Variants in KAT5 observed in about 807,000 individuals in gnomAD.
KAT5 encodes histone acetyltransferase KAT5.
In KAT5, 31 loss-of-function variants were observed where a neutral mutation model predicts 68.1. The observed-to-expected ratio is 0.46, with a 90% confidence interval of 0.34 to 0.61. The LOEUF is 0.61. Among genes scored for constraint, KAT5 ranks in the 20% least tolerant of loss-of-function variants. KAT5 has a pLI of 0.01. For missense variants in KAT5, 451 were observed against 725.5 expected (o/e 0.62, Z 4.35); for synonymous variants, 365 against 292.6 (o/e 1.25, Z -2.52).
chr11:65,712,405 A>G lies in KAT5; in HGVS notation c.138A>G (p.Leu46=). 3 of 1,587,200 alleles carry G rather than the reference A, an allele frequency of 1.9e-6. No homozygotes were observed. The highest frequency in any genetic ancestry group is 2.6e-6 in the Non-Finnish European group (3 of 1,172,556). ...PQGEIIEGCR[L]PVLRRNQDNE... The stretch of plus-strand genomic sequence containing the variant: ...GGGAGATAATCGAGGGCTGCCGCCT[A>G]CCCGTGCTGCGGCGGAACCAGGACA... The change falls in exon 1 of 13, where the codon CTA becomes CTG. Residue 46 remains leucine (L), a synonymous_variant. Transcript: ENST00000341318.
At chr11:65,717,167 G>A in intron 10 of KAT5, 185 bp downstream of exon 10, 1 of 610,394 alleles carries the variant, frequency 1.6e-6, no homozygotes, top group Non-Finnish European at 2.9e-6. Flanking sequence ...TGCTTATCTG[G>A]GGTAGGTTCT....
chr11:65,712,503 T>C lies in KAT5; in HGVS notation c.178+58T>C, dbSNP rs764558397. On this transcript the variant is annotated intron_variant, in intron 1 of 12. Coordinates refer to ENST00000341318, the MANE Select transcript of KAT5 (RefSeq NM_182710.3). ...CTGAGGGCGAGGGGCGGGAGTCAAC[T>C]GAAATCCCGGGATGGGGAGGGGCGT... 20 of 1,542,304 alleles carry C rather than the reference T, an allele frequency of 1.3e-5. 1 individual carries two copies. In the South Asian group the frequency reaches 1.9e-4, roughly 15 times the overall value.
intron 10 of KAT5, chr11:65,717,241 T>G (rs909437107): frequency 3.5e-6 from 2 of 566,712 alleles, no homozygotes; most frequent in East Asian, 3.0e-5. Flanking sequence ...CAAATCTGAC[T>G]TACGTGCTCC....
At chr11:65,712,704 G>T in intron 1 of KAT5, 62 bp from the exon 2 acceptor site, 3 of 1,578,394 alleles carry the variant, frequency 1.9e-6, no homozygotes, top group Non-Finnish European at 2.6e-6. Flanking sequence ...AGTTCAGGTC[G>T]TGGAAGGGTG....
At chr11:65,712,131 G>A (rs1208920847), upstream of KAT5, 4 of 814,696 alleles carry the variant, frequency 4.9e-6, no homozygotes, top group Non-Finnish European at 7.1e-6. Context: ...GGGCAGTCTT[G>A]CCCCTCGCAG....
rs1857092066 is a variant in KAT5, at chr11:65,713,431, G to A, written c.468G>A (p.Glu156=). The A allele has an allele frequency of 1.2e-6, 2 of 1,614,024 alleles. No individual in the cohort carries two copies. Among genetic ancestry groups the A allele is most frequent in the Non-Finnish European group, 1.7e-6 (2 of 1,180,028 alleles). The change falls in exon 4 of 13, where the codon GAG becomes GAA. Residue 156 remains glutamate (E), a synonymous_variant. Transcript: ENST00000341318. ...TLRFNLPKER[E]AIPGGEPDQP... is the part of the protein sequence containing the mutation. The stretch of plus-strand genomic sequence containing the variant: ...GCTTCAACCTGCCCAAGGAGCGGGA[G>A]GCCATTCCCGGTGGCGAGCCTGACC...
In KAT5 at chr11:65,713,585, C is replaced by G. The variant is rs934272798; in HGVS notation, c.541-8C>G. On this transcript the variant is annotated splice_polypyrimidine_tract_variant and splice_region_variant and intron_variant, in intron 4 of 12. Coordinates refer to ENST00000341318, the MANE Select transcript of KAT5 (RefSeq NM_182710.3). ...TTCTGACCCACCTTTGTTGGTTTCT[C>G]TCTGCAGAAACGGAAGGTGGAGGTG... is the stretch of plus-strand genomic sequence containing the variant. The G allele has an allele frequency of 1.2e-6, 2 of 1,614,222 alleles. No individual in the cohort carries two copies. Among genetic ancestry groups the G allele is most frequent in the South Asian group, 2.2e-5 (2 of 91,084 alleles).
intron 10 of KAT5, chr11:65,718,345 T>C (rs557463955): frequency 4.2e-6 from 2 of 473,172 alleles, no homozygotes; most frequent in Admixed American, 3.5e-5. Flanking sequence ...CTGATCACCC[T>C]CATGGTTGAC....
At position 65,719,491 on chromosome 11, in the gene KAT5, T is replaced by A. The variant is rs1303321353; in HGVS notation, c.*310T>A. 3 of 608,712 alleles carry A rather than the reference T, an allele frequency of 4.9e-6. No individual in the cohort carries two copies. The South Asian group carries it at 6.0e-5, about 12-fold the overall frequency. 37.7% of individuals were successfully genotyped at this position (608,712 alleles called of 1,614,324 possible). ...GAGCTCTGTACAGAGGGCTGGTGAT[T>A]GTAAAAATTTCTTTTGTAAAGTAGA... On this transcript the variant is annotated 3_prime_UTR_variant, in exon 13 of 13. Coordinates refer to ENST00000341318, the MANE Select transcript of KAT5 (RefSeq NM_182710.3).
chr11:65,712,227 G>C (rs1217489828), upstream of KAT5: 5 of 1,393,606 alleles, frequency 3.6e-6, no homozygotes, highest in East Asian at 5.8e-5. Context: ...CGGAAGTGAC[G>C]TCTCCCAGAG....
Position 65,713,388 on chromosome 11 carries a change from C to A in KAT5, c.425C>A (p.Pro142Gln). 6.2e-7 allele frequency: 1 copy of A among 1,614,086 alleles called. No homozygotes were observed. The highest frequency in any genetic ancestry group is 8.5e-7 in the Non-Finnish European group (1 of 1,180,010). Residue 142 changes from proline (P) to glutamine (Q), a missense_variant, in exon 4 of 13, where the codon CCG becomes CAG. Pro to Gln is a moderately conservative substitution (Grantham distance 76). This residue lies in a region of KAT5 where 135 missense variants were observed against 173.4 expected (regional missense o/e 0.78). Transcript: ENST00000341318. The stretch of plus-strand genomic sequence containing the variant: ...GCCAGCGGGAAGACCTTGCCAATCC[C>A]GGTCCAGATCACACTCCGCTTCAAC... ...AQASGKTLPI[P>Q]VQITLRFNLP... is the part of the protein sequence containing the mutation.
intron 12 of KAT5, 26 bp from the exon 13 acceptor site, chr11:65,719,021 C>A: frequency 6.2e-7 from 1 of 1,614,034 alleles, no homozygotes; most frequent in Non-Finnish European, 8.5e-7. Context: ...GGCTGACCAC[C>A]TGCTGAACCC....
At chr11:65,716,176 G>A (rs1174779654) in intron 8 of KAT5, 1 of 159,930 alleles carries the variant, frequency 6.3e-6, no homozygotes, top group Non-Finnish European at 1.4e-5. Flanking sequence ...TAGAGTAGCA[G>A]ATCAGTTCCC....
chr11:65,718,208 C>G (rs1857269301), intron 10 of KAT5: 1 of 179,450 alleles, frequency 5.6e-6, no homozygotes, highest in Admixed American at 5.4e-5. Flanking sequence ...GGATTAGAGA[C>G]AGGAATCTGT....
intron 1 of KAT5, 124 bp from the exon 2 acceptor site, chr11:65,712,642 A>C (rs533327527): frequency 7.8e-6 from 10 of 1,278,522 alleles, no homozygotes; most frequent in Middle Eastern, 1.9e-4. Flanking sequence ...TGACTGAAGG[A>C]GGCTTAGGAG....
At chr11:65,716,536 G>T in intron 8 of KAT5, 131 bp from the exon 9 acceptor site, 1 of 866,024 alleles carries the variant, frequency 1.2e-6, no homozygotes, top group Non-Finnish European at 1.8e-6. Context: ...GTCAGGCCCA[G>T]CCAGGGAAGA....
chr11:65,712,179 G>C (rs907716747), upstream of KAT5: 13 of 1,307,216 alleles, frequency 9.9e-6, no homozygotes, highest in Admixed American at 3.7e-5. Flanking sequence ...CCCTCTACAG[G>C]GGCTTCGTGA....
Position 65,718,960 on chromosome 11 carries a change from G to GAGGC in KAT5, c.1506+14_1506+17dup. ...ATCTCATCAACTACTACAAGGTAGG[G>GAGGC]AGGCAGGCAGGGGAGACAGGTGTGT... On this transcript the variant is annotated splice_region_variant and intron_variant, in intron 12 of 12. Transcript: ENST00000341318. 2.5e-6 allele frequency: 4 copies of GAGGC among 1,614,138 alleles called. No homozygotes were observed. The South Asian group carries it at 4.4e-5, about 18-fold the overall frequency.
intron 1 of KAT5, 115 bp downstream of exon 1, chr11:65,712,560 C>T (rs759253641): frequency 2.2e-6 from 3 of 1,348,174 alleles, no homozygotes; most frequent in South Asian, 1.3e-5. Context: ...GGCGCAGATA[C>T]TTTGATGAAG....
Sources: gnomAD v4.1 joint callset for allele counts on GRCh38, gnomAD v4.1.1 for gene constraint, gnomAD v4.1.1 regional missense constraint, MANE v1.5 for transcripts, NCBI Gene and HGNC (gene_info 2026-07-23, HGNC 2026-07-21) for gene names.